The following MAP3K7 variants were observed in gnomAD, a reference collection of about 807,000 sequenced individuals.
MAP3K7 encodes the protein TGF-beta activated kinase 1.
In MAP3K7, 21 loss-of-function variants were observed where a neutral mutation model predicts 84.8. The observed-to-expected ratio is 0.25, with a 90% confidence interval of 0.18 to 0.36. MAP3K7 has a LOEUF of 0.36. Ranked by LOEUF, MAP3K7 falls within the 10% of genes least tolerant of loss-of-function variation. MAP3K7 has a pLI of 1.00. For synonymous variants in MAP3K7, 241 were observed against 247.7 expected (o/e 0.97, Z 0.25); for missense variants, 503 against 747.7 (o/e 0.67, Z 3.82).
chr6:90,518,711 C>T, intron 15 of MAP3K7, 149 bp from the exon 16 acceptor site: 1 of 596,742 alleles, frequency 1.7e-6, no homozygotes, highest in African/African-American at 1.9e-5. Flanking sequence ...CCTAGAAAAT[C>T]TCAGTGTCCT....
In MAP3K7 at chr6:90,586,521, C is replaced by T. The variant is rs1475104442; in HGVS notation, c.120+243G>A. ...CACCAGTTCATTCTCCTGTTTATCACCGGAATATCAAATCCAAAATCAAGA... is the reference window on the plus strand; with the variant it reads ...CACCAGTTCATTCTCCTGTTTATCATCGGAATATCAAATCCAAAATCAAGA... On this transcript the variant is annotated intron_variant, in intron 1 of 16. Transcript: ENST00000369329. Among the ~76,000 whole-genome samples, 3 of 152,154 alleles carry T rather than the reference C, an allele frequency of 2.0e-5. No individual in the cohort carries two copies. The East Asian group carries it at 5.8e-4, about 29-fold the overall frequency.
At chr6:90,524,336 T>G (rs1444362944) in intron 13 of MAP3K7, among the ~76,000 whole-genome samples, 1 of 151,968 alleles carries the variant, frequency 6.6e-6, no homozygotes. Flanking sequence ...TAACTGTGAA[T>G]CCACAAAAAA....
intron 14 of MAP3K7, among the ~76,000 whole-genome samples, chr6:90,522,727 A>G (rs1775192452): frequency 6.6e-6 from 1 of 152,142 alleles, no homozygotes; most frequent in Non-Finnish European, 1.5e-5. Context: ...CCACCCAGTT[A>G]ATTTTTTAAA....
chr6:90,536,491 T>TGATACG, intron 12 of MAP3K7, 90 bp from the exon 13 acceptor site: 1 of 883,736 alleles, frequency 1.1e-6, no homozygotes, highest in Non-Finnish European at 1.7e-6. Flanking sequence ...TGGAATTTGT[T>TGATACG]GCTCCTTGGA....
At chr6:90,546,526 CT>C (rs774163750) in intron 11 of MAP3K7, among the ~76,000 whole-genome samples, 5 of 152,092 alleles carry the variant, frequency 3.3e-5, no homozygotes, top group African/African-American at 9.7e-5. Flanking sequence ...TCAGCTCCCC[CT>C]GATCCCTGGA....
intron 14 of MAP3K7, among the ~76,000 whole-genome samples, chr6:90,521,599 C>T (rs157699): frequency 0.7 from 106,588 of 151,934 alleles, 37,708 homozygotes; most frequent in Middle Eastern, 0.79. Context: ...TATAAGTTTA[C>T]TTTTAATGTG....
At chr6:90,553,222 C>T (rs1382160016) in intron 7 of MAP3K7, among the ~76,000 whole-genome samples, 2 of 152,100 alleles carry the variant, frequency 1.3e-5, no homozygotes, top group African/African-American at 4.8e-5. Context: ...CCCTAATCAG[C>T]GGAGCCAGTG....
rs1302662519 is a variant in MAP3K7, at chr6:90,520,808, C to T, written c.1463-1489G>A. Among the ~76,000 whole-genome samples the T allele has an allele frequency of 2.0e-5, 3 of 152,038 alleles. No individual in the cohort carries two copies. In the East Asian group the frequency reaches 5.8e-4, roughly 29 times the overall value. ...CTCCCACCCCAACAGTGGTTTCAAA[C>T]TACGCTCCCACATAAACACTGCTTT... On this transcript the variant is annotated intron_variant, in intron 14 of 16. Coordinates refer to ENST00000369329, the MANE Select transcript of MAP3K7 (RefSeq NM_145331.3).
intron 11 of MAP3K7, among the ~76,000 whole-genome samples, chr6:90,546,598 G>A (rs1776008713): frequency 6.6e-6 from 1 of 152,054 alleles, no homozygotes; most frequent in Non-Finnish European, 1.5e-5. Context: ...ATGAAACCTG[G>A]TCACAGAATT....
chr6:90,576,247 C>T (rs1362018108), intron 1 of MAP3K7, among the ~76,000 whole-genome samples: 1 of 151,974 alleles, frequency 6.6e-6, no homozygotes, highest in Non-Finnish European at 1.5e-5. Flanking sequence ...CACGGTGAAA[C>T]CCCATCTCTA....
intron 3 of MAP3K7, among the ~76,000 whole-genome samples, chr6:90,566,912 A>G (rs897655977): frequency 1.3e-5 from 2 of 152,174 alleles, no homozygotes; most frequent in African/African-American, 4.8e-5. Flanking sequence ...AATACCATAC[A>G]TCTACAACCA....
At chr6:90,532,097 T>A (rs1052625749) in intron 13 of MAP3K7, among the ~76,000 whole-genome samples, 8 of 152,066 alleles carry the variant, frequency 5.3e-5, no homozygotes, top group African/African-American at 1.9e-4. Flanking sequence ...AGGTGCAGAA[T>A]GAAGATGGAA....
chr6:90,518,082 T>C (rs547976309), intron 16 of MAP3K7, among the ~76,000 whole-genome samples: 14 of 151,900 alleles, frequency 9.2e-5, no homozygotes, highest in African/African-American at 2.9e-4. Context: ...ATTCTAAACA[T>C]ACACCTGGAA....
chr6:90,561,125 T>C (rs924662772), intron 4 of MAP3K7, among the ~76,000 whole-genome samples: 14 of 152,114 alleles, frequency 9.2e-5, no homozygotes, highest in African/African-American at 3.4e-4. Context: ...CATTTCTGCA[T>C]ATGGTTGGTA....
At position 90,557,463 on chromosome 6, in the gene MAP3K7, G is replaced by A. The variant is rs566781248; in HGVS notation, c.483-839C>T. Among the ~76,000 whole-genome samples the A allele has an allele frequency of 4.1e-4, 62 of 152,236 alleles. 1 individual carries two copies. The South Asian group carries it at 0.012, about 31-fold the overall frequency. ...TTTTAGTCCAATGTGACTAAAATAA[G>A]TCAGATAAACTACTATTCACAGTTC... On this transcript the variant is annotated intron_variant, in intron 5 of 16. Transcript: ENST00000369329.
chr6:90,576,156 A>G (rs1274733738), intron 1 of MAP3K7, among the ~76,000 whole-genome samples: 1 of 152,104 alleles, frequency 6.6e-6, no homozygotes, highest in Non-Finnish European at 1.5e-5. Flanking sequence ...CATTTGGATG[A>G]CACAAGGCAC....
intron 5 of MAP3K7, among the ~76,000 whole-genome samples, chr6:90,556,845 G>T (rs546907242): frequency 1.3e-5 from 2 of 152,058 alleles, no homozygotes; most frequent in South Asian, 4.2e-4. Flanking sequence ...TCTTTGGAAG[G>T]CTGCTAGACT....
chr6:90,558,104 C>T (rs776152529), intron 5 of MAP3K7, among the ~76,000 whole-genome samples: 152 of 152,004 alleles, frequency 1.0e-3, no homozygotes, highest in Non-Finnish European at 1.9e-3. Flanking sequence ...GGGCAGATCA[C>T]GAGGTCAGGA....
At position 90,549,594 on chromosome 6, in the gene MAP3K7, G is replaced by A. The variant is rs565208656; in HGVS notation, c.949+874C>T. 6.4e-4 allele frequency among the ~76,000 whole-genome samples: 97 copies of A among 152,202 alleles called. 1 individual carries two copies. The highest frequency in any genetic ancestry group is 4.3e-3 in the South Asian group (21 of 4,830). On this transcript the variant is annotated intron_variant, in intron 9 of 16. Transcript: ENST00000369329. Reference sequence around the variant, plus strand: ...ATTAAGTGGAGGGAGAAAGAAAAAAGGACCTAAGAGGACTGAGGACCAGTG... The same window carrying A: ...ATTAAGTGGAGGGAGAAAGAAAAAAAGACCTAAGAGGACTGAGGACCAGTG...
Sources: gnomAD v4.1 joint callset for allele counts (sites outside exome capture counted in the v4.1 genomes callset) on GRCh38, gnomAD v4.1.1 for gene constraint, MANE v1.5 for transcripts, NCBI Gene and HGNC (gene_info 2026-07-23, HGNC 2026-07-21) for gene names.